Variants in KASH5 observed in about 807,000 individuals in gnomAD.
KASH5 encodes KASH domain containing 5, also known as protein KASH5.
A neutral mutation model predicts 84.2 loss-of-function variants in KASH5; 72 were observed. That is an observed-to-expected ratio of 0.85 (90% CI 0.71 to 1.04). The LOEUF is 1.04. Among genes scored for constraint, KASH5 ranks in the 50% least tolerant of loss-of-function variants. KASH5 has a pLI of 0.00. For synonymous variants in KASH5, 260 were observed against 279.1 expected (o/e 0.93, Z 0.68); for missense variants, 650 against 701.0 (o/e 0.93, Z 0.82).
In KASH5 at chr19:49,394,531, G is replaced by A; in HGVS notation, c.99G>A (p.Glu33=). ...EARLGMPVSL[E]EQILNSTFEA... ...GGCTGGGAATGCCGGTCAGCTTGGA[G>A]GAGCAAATACTCAACTCCACGTTCG... is the stretch of plus-strand genomic sequence containing the variant. Residue 33 remains glutamate (E), a synonymous_variant, in exon 3 of 20, where the codon GAG becomes GAA. Coordinates refer to ENST00000447857, the MANE Select transcript of KASH5 (RefSeq NM_144688.5). The A allele has an allele frequency of 6.2e-7, 1 of 1,613,802 alleles. No individual in the cohort carries two copies. The highest frequency in any genetic ancestry group is 8.5e-7 in the Non-Finnish European group (1 of 1,179,872).
chr19:49,392,885 C>G (rs1472820765), intron 2 of KASH5, among the ~76,000 whole-genome samples: 1 of 151,220 alleles, frequency 6.6e-6, no homozygotes, highest in Non-Finnish European at 1.5e-5. Flanking sequence ...GCACTCCAGC[C>G]TGGGTGACAC....
intron 16 of KASH5, 37 bp downstream of exon 16, chr19:49,413,063 A>T: frequency 1.9e-6 from 3 of 1,594,264 alleles, no homozygotes; most frequent in Non-Finnish European, 2.6e-6. Context: ...TCAGGGTGAC[A>T]CCTTATTCAC....
chr19:49,408,563 C>T (rs1974606361), intron 12 of KASH5, among the ~76,000 whole-genome samples: 1 of 152,100 alleles, frequency 6.6e-6, no homozygotes. Flanking sequence ...ATTCTCCTGC[C>T]TCAGCCTCCC....
At chr19:49,413,076 C>T in intron 16 of KASH5, 50 bp downstream of exon 16, 1 of 1,559,526 alleles carries the variant, frequency 6.4e-7, no homozygotes, top group Non-Finnish European at 8.8e-7. Flanking sequence ...TTATTCACAG[C>T]TGTTTACAGT....
rs1320355446 is a variant in KASH5 at position 49,409,868 on chromosome 19, G to A, written c.1262G>A (p.Gly421Glu). The change falls in exon 15 of 20, where the codon GGG (glycine) becomes GAG (glutamate). Residue 421 changes from glycine to glutamate, a missense_variant. Coordinates refer to ENST00000447857, the MANE Select transcript of KASH5 (RefSeq NM_144688.5). Reference sequence around the variant, plus strand: ...GAGTTTCCATCTGAAGCCCCAGCTGGGGGACAGGTGAGCACAGGAAAAGCT... The same window carrying A: ...GAGTTTCCATCTGAAGCCCCAGCTGAGGGACAGGTGAGCACAGGAAAAGCT... ...ETEFPSEAPA[G>E]GQRNFQGEPA... is the part of the protein sequence containing the mutation. The A allele has an allele frequency of 6.2e-7, 1 of 1,613,470 alleles. No individual in the cohort carries two copies. Among genetic ancestry groups the A allele is most frequent in the African/African-American group, 1.3e-5 (1 of 74,902 alleles).
rs1252024156 is a variant in KASH5, at chr19:49,399,505, G to A, written c.796G>A (p.Glu266Lys). The A allele has an allele frequency of 5.0e-6, 8 of 1,607,386 alleles. No individual in the cohort carries two copies. Among genetic ancestry groups the A allele is most frequent in the Non-Finnish European group, 5.9e-6 (7 of 1,177,030 alleles). ...LVAEMETLQE[E>K]NGKLLAERDG... ...GGCTGAGATGGAGACTCTGCAGGAGGAGGTGAGCGGAGGCCCAGCACCACC... is the reference window on the plus strand; with the variant it reads ...GGCTGAGATGGAGACTCTGCAGGAGAAGGTGAGCGGAGGCCCAGCACCACC... The change falls in exon 9 of 20, where the codon GAG (glutamate) becomes AAG (lysine). Residue 266 changes from glutamate (E) to lysine (K), a missense_variant and splice_region_variant. Glu to Lys is a moderately conservative substitution (Grantham distance 56, BLOSUM62 1). Coordinates refer to ENST00000447857, the MANE Select transcript of KASH5 (RefSeq NM_144688.5). The surrounding 1 kb of genome is among the most constrained non-coding windows in gnomAD (Gnocchi z 4.4).
At chr19:49,397,833 TG>T in intron 6 of KASH5, 116 bp downstream of exon 6, 1 of 1,459,036 alleles carries the variant, frequency 6.9e-7, no homozygotes, top group Non-Finnish European at 9.5e-7. Context: ...GACGGGGCTT[TG>T]CTGAAAGTTC....
intron 12 of KASH5, 63 bp downstream of exon 12, chr19:49,407,734 A>T: frequency 6.6e-7 from 1 of 1,505,790 alleles, no homozygotes; most frequent in Non-Finnish European, 9.1e-7. Flanking sequence ...CATCTCTGGG[A>T]CTTGCTGCCT....
Position 49,412,997 on chromosome 19 carries a change from T to C in KASH5, c.1299T>C (p.Pro433=). The change falls in exon 16 of 20, where the codon CCT becomes CCC. Residue 433 remains proline, a synonymous_variant. Coordinates refer to ENST00000447857, the MANE Select transcript of KASH5 (RefSeq NM_144688.5). The surrounding 1 kb of genome is among the most constrained non-coding windows in gnomAD (Gnocchi z 4.6). ...ACTTCCAGGGAGAGCCAGCGCACCC[T>C]GAAGAAGGAAGGAAGGAGCCATCCA... is the stretch of plus-strand genomic sequence containing the variant. ...QRNFQGEPAH[P]EEGRKEPSMW... is the part of the protein sequence containing the mutation. 6.2e-7 allele frequency: 1 copy of C among 1,613,466 alleles called. No individual in the cohort carries two copies. Among genetic ancestry groups the C allele is most frequent in the East Asian group, 2.2e-5 (1 of 44,876 alleles).
In KASH5 at chr19:49,398,041, T is replaced by C; in HGVS notation, c.527T>C (p.Leu176Pro). The C allele has an allele frequency of 6.2e-7, 1 of 1,613,872 alleles. No homozygotes were observed. The highest frequency in any genetic ancestry group is 8.5e-7 in the Non-Finnish European group (1 of 1,179,830). Reference protein sequence around the residue: ...LEDLELSNRRLVGENAKLQRS... With the variant: ...LEDLELSNRRPVGENAKLQRS... ...GACCTGGAGCTCAGCAACCGACGTCTGGTTGGGGAGAATGCCAAATTGCAG... is the reference window on the plus strand; with the variant it reads ...GACCTGGAGCTCAGCAACCGACGTCCGGTTGGGGAGAATGCCAAATTGCAG... Residue 176 changes from leucine to proline, a missense_variant, in exon 7 of 20, where the codon CTG becomes CCG. Leu to Pro is a moderately conservative substitution (Grantham distance 98). Transcript: ENST00000447857.
At chr19:49,406,455 C>A (rs963046326) in intron 9 of KASH5, among the ~76,000 whole-genome samples, 2 of 152,210 alleles carry the variant, frequency 1.3e-5, no homozygotes, top group African/African-American at 4.8e-5. Context: ...TGGCTCACTG[C>A]AACCTCCGTC....
intron 9 of KASH5, among the ~76,000 whole-genome samples, chr19:49,406,677 G>A (rs926755791): frequency 1.3e-4 from 20 of 152,126 alleles, no homozygotes; most frequent in African/African-American, 4.8e-4. Flanking sequence ...GCGTGGCCTA[G>A]CTCCATTTTT....
chr19:49,416,465 A>C lies in KASH5; in HGVS notation c.1375-550A>C, dbSNP rs963738968. 3.9e-5 allele frequency among the ~76,000 whole-genome samples: 6 copies of C among 152,218 alleles called. No homozygotes were observed. The highest frequency in any genetic ancestry group is 8.8e-5 in the Non-Finnish European group (6 of 68,028). ...TTCAGCCTCCCAAAGTGCCGGGATTACAGGCATGAGCCACTGCACCTGGCC... is the reference window on the plus strand; with the variant it reads ...TTCAGCCTCCCAAAGTGCCGGGATTCCAGGCATGAGCCACTGCACCTGGCC... On this transcript the variant is annotated intron_variant, in intron 17 of 19. Transcript: ENST00000447857. The surrounding 1 kb of genome is among the most constrained non-coding windows in gnomAD (Gnocchi z 5.4).
intron 15 of KASH5, among the ~76,000 whole-genome samples, chr19:49,411,301 A>G (rs955532414): frequency 1.3e-4 from 20 of 151,346 alleles, no homozygotes; most frequent in African/African-American, 4.9e-4. Context: ...AACAAGCTGT[A>G]TTGTCTTGAG....
At chr19:49,402,118 T>TG (rs1163436951) in intron 9 of KASH5, among the ~76,000 whole-genome samples, 3 of 151,730 alleles carry the variant, frequency 2.0e-5, no homozygotes, top group African/African-American at 7.3e-5. Flanking sequence ...GGCACACACC[T>TG]GTAATCCCAG....
intron 9 of KASH5, among the ~76,000 whole-genome samples, chr19:49,406,591 G>T (rs1021116623): frequency 4.6e-5 from 7 of 152,084 alleles, no homozygotes; most frequent in Non-Finnish European, 1.0e-4. Flanking sequence ...TGGCCAGGCT[G>T]GTCTTGAACT....
In KASH5 at chr19:49,395,432, C is replaced by T. The variant is rs1298980318; in HGVS notation, c.335+140C>T. 1.5e-5 allele frequency: 14 copies of T among 934,942 alleles called. No homozygotes were observed. The highest frequency in any genetic ancestry group is 1.6e-5 in the Non-Finnish European group (10 of 620,032). 57.9% of individuals were successfully genotyped at this position (934,942 alleles called of 1,614,324 possible). ...GGCTGTGGAGAGAAAAATGAAGAGA[C>T]GGGATTCAGAGGGGGTAGATAGGGA... On this transcript the variant is annotated intron_variant, in intron 4 of 19. Transcript: ENST00000447857. This position sits in a 1 kb window ranked among gnomAD's most constrained non-coding sequence, Gnocchi z 4.4.
rs922165944 is a variant in KASH5, at chr19:49,401,566, C to T, written c.798+2059C>T. Among the ~76,000 whole-genome samples, 8 of 152,132 alleles carry T rather than the reference C, an allele frequency of 5.3e-5. 1 individual carries two copies. In the South Asian group the frequency reaches 1.0e-3, roughly 20 times the overall value. On this transcript the variant is annotated intron_variant, in intron 9 of 19. Coordinates refer to ENST00000447857, the MANE Select transcript of KASH5 (RefSeq NM_144688.5). ...TTCTGAGAGTGCTCTGGGAAGTACA[C>T]GCAAGGCCTCTCAGATCACAAGACT...
rs1473099752 is a variant in KASH5, at chr19:49,414,938, T to C, written c.1329-13T>C. On this transcript the variant is annotated splice_polypyrimidine_tract_variant and intron_variant, in intron 16 of 19. Transcript: ENST00000447857. The surrounding 1 kb of genome is among the most constrained non-coding windows in gnomAD (Gnocchi z 4.5). Reference sequence around the variant, plus strand: ...AAGAGGACGAAGCCAGCAGTGACTTTGTTGGCCCTCAGGTTGACCAGAAGA... The same window carrying C: ...AAGAGGACGAAGCCAGCAGTGACTTCGTTGGCCCTCAGGTTGACCAGAAGA... The C allele has an allele frequency of 6.2e-7, 1 of 1,611,618 alleles. No individual in the cohort carries two copies. Among genetic ancestry groups the C allele is most frequent in the Non-Finnish European group, 8.5e-7 (1 of 1,179,110 alleles).
Sources: gnomAD v4.1 joint callset for allele counts (sites outside exome capture counted in the v4.1 genomes callset) on GRCh38, gnomAD v4.1.1 for gene constraint, Gnocchi (gnomAD v3.1) non-coding constraint, MANE v1.5 for transcripts, NCBI Gene and HGNC (gene_info 2026-07-23, HGNC 2026-07-21) for gene names.